FZD6: variants seen among roughly 807,000 people sequenced by gnomAD.
The protein encoded by FZD6 is frizzled class receptor 6, also known as frizzled-6.
In FZD6, 49 loss-of-function variants were observed where a neutral mutation model predicts 61.4. That is an observed-to-expected ratio of 0.80 (90% confidence interval 0.63 to 1.01). FZD6 has a LOEUF of 1.01. Ranked by LOEUF, FZD6 falls within the 50% of genes least tolerant of loss-of-function variation. The pLI is 0.00. For missense variants in FZD6, 724 were observed against 848.2 expected, an observed-to-expected ratio of 0.85 and a Z score of 1.82; for synonymous variants, 265 against 292.2, an observed-to-expected ratio of 0.91 and a Z score of 0.95.
Position 103,329,684 on chromosome 8 carries a change from A to G in FZD6, c.1571A>G (p.Gln524Arg), listed in dbSNP as rs1439202689. ...DPISESRRVL[Q>R]ESCEFFLKHN... ...ATCAGTGAAAGTCGAAGAGTACTAC[A>G]GGAATCATGTGAGTTTTTCTTAAAG... Residue 524 changes from glutamine (Q) to arginine (R), a missense_variant, in exon 6 of 7, where the codon CAG becomes CGG. Transcript: ENST00000358755. 3.7e-6 allele frequency: 6 copies of G among 1,611,650 alleles called. No individual in the cohort carries two copies. Among genetic ancestry groups the G allele is most frequent in the African/African-American group, 1.3e-5 (1 of 75,004 alleles).
intron 2 of FZD6, among the ~76,000 whole-genome samples, chr8:103,310,672 G>A (rs887308532): frequency 2.0e-5 from 3 of 152,108 alleles, no homozygotes; most frequent in Non-Finnish European, 4.4e-5. Context: ...CCTACAATCT[G>A]ATAACTCATG....
intron 2 of FZD6, among the ~76,000 whole-genome samples, chr8:103,310,616 A>G (rs1814469020): frequency 6.6e-6 from 1 of 152,040 alleles, no homozygotes; most frequent in South Asian, 2.1e-4. Context: ...CCAGTTTGTT[A>G]TTCTCTTCCT....
At chr8:103,320,067 G>A (rs145621787) in intron 3 of FZD6, among the ~76,000 whole-genome samples, 2 of 151,136 alleles carry the variant, frequency 1.3e-5, no homozygotes, top group East Asian at 2.0e-4. Context: ...AGGAACATCT[G>A]TTGTAACAGT....
chr8:103,314,905 C>T (rs1409703026), intron 2 of FZD6, among the ~76,000 whole-genome samples: 2 of 152,128 alleles, frequency 1.3e-5, no homozygotes, highest in Non-Finnish European at 2.9e-5. Flanking sequence ...ATACAGTGCT[C>T]AGCAATGCAT....
Position 103,325,497 on chromosome 8 carries a change from A to C in FZD6, c.1391A>C (p.Gln464Pro). Residue 464 changes from glutamine (Q) to proline (P), a missense_variant and splice_region_variant, in exon 4 of 7, where the codon CAG becomes CCG. Coordinates refer to ENST00000358755, the MANE Select transcript of FZD6 (RefSeq NM_003506.4). ...CAGTACCATATCCCATGTCCTTATC[A>C]GGTAAAAGCTATCACTTGGATTATG... ...CRQYHIPCPY[Q>P]AKAKARPELA... 1.2e-6 allele frequency: 2 copies of C among 1,602,544 alleles called. No homozygotes were observed. The highest frequency in any genetic ancestry group is 1.7e-6 in the Non-Finnish European group (2 of 1,169,562).
chr8:103,327,940 A>C (rs892814228), intron 4 of FZD6, among the ~76,000 whole-genome samples: 10 of 152,292 alleles, frequency 6.6e-5, no homozygotes, highest in Non-Finnish European at 1.3e-4. Context: ...ATAGGTACAT[A>C]TTTAGAGGCA....
At chr8:103,313,233 G>T (rs910115239) in intron 2 of FZD6, among the ~76,000 whole-genome samples, 2 of 152,188 alleles carry the variant, frequency 1.3e-5, no homozygotes, top group African/African-American at 4.8e-5. Flanking sequence ...CTGGTTTATG[G>T]TAAGTACCAA....
chr8:103,329,592 T>C (rs1446411925), intron 5 of FZD6, 63 bp from the exon 6 acceptor site: 7 of 1,237,796 alleles, frequency 5.7e-6, no homozygotes, highest in South Asian at 5.1e-5. Context: ...ATATCCTTTA[T>C]ATCCTCTACT....
rs55730772 is a variant in FZD6, at chr8:103,329,013, TTATA to T, written c.1541+613_1541+616del. Among the ~76,000 whole-genome samples the T allele has an allele frequency of 1.9e-4, 22 of 115,178 alleles. 1 individual carries two copies. Among genetic ancestry groups the T allele is most frequent in the Admixed American group, 5.1e-4 (5 of 9,854 alleles). 75.6% of individuals were successfully genotyped at this position (115,178 alleles called of 152,430 possible). A position where few individuals can be genotyped will look rare whatever the true frequency, so the allele number is the denominator to read the frequency against. On this transcript the variant is annotated intron_variant, in intron 5 of 6. Coordinates refer to ENST00000358755, the MANE Select transcript of FZD6 (RefSeq NM_003506.4). ...TATTTATGAGTAATTCATTTTAGTT[TTATA>T]TATATATATATATATGCACACACAC...
intron 2 of FZD6, among the ~76,000 whole-genome samples, chr8:103,307,453 A>T (rs1401807906): frequency 6.6e-6 from 1 of 152,192 alleles, no homozygotes; most frequent in Non-Finnish European, 1.5e-5. Flanking sequence ...GCACAAACAG[A>T]CCTATATGCC....
At chr8:103,313,811 G>A (rs1242616344) in intron 2 of FZD6, among the ~76,000 whole-genome samples, 1 of 146,456 alleles carries the variant, frequency 6.8e-6, no homozygotes, top group Non-Finnish European at 1.5e-5. Context: ...TGTCAGGGAA[G>A]GGGGGGGCCC....
At chr8:103,311,151 T>C (rs1490385974) in intron 2 of FZD6, among the ~76,000 whole-genome samples, 1 of 152,178 alleles carries the variant, frequency 6.6e-6, no homozygotes, top group South Asian at 2.1e-4. Flanking sequence ...TTGTCACCAG[T>C]GCCAATACCA....
chr8:103,316,737 C>T (rs1350190956), intron 2 of FZD6, among the ~76,000 whole-genome samples: 1 of 152,100 alleles, frequency 6.6e-6, no homozygotes, highest in Non-Finnish European at 1.5e-5. Flanking sequence ...AATTTAGTTA[C>T]ATGTATTCTG....
chr8:103,323,517 G>A (rs1471622863), intron 3 of FZD6, among the ~76,000 whole-genome samples: 7 of 150,420 alleles, frequency 4.7e-5, no homozygotes, highest in Non-Finnish European at 7.4e-5. Flanking sequence ...TGCAACCTCC[G>A]CCTCCCAGGT....
chr8:103,313,760 CTGTGTGTGTGTGTGTGTGTGTGTGTGTG>C (rs58157848), intron 2 of FZD6, among the ~76,000 whole-genome samples: 4 of 142,734 alleles, frequency 2.8e-5, no homozygotes, highest in Admixed American at 1.4e-4. Context: ...CTTGATTTTT[CTGTGTGTGTGTGTGTGTGTGTGTGTGTG>C]TGTGTGTGTG....
intron 4 of FZD6, among the ~76,000 whole-genome samples, chr8:103,327,536 T>C (rs972869461): frequency 3.9e-5 from 6 of 151,996 alleles, no homozygotes; most frequent in East Asian, 1.9e-4. Flanking sequence ...GCGGAGGTTG[T>C]AGTGAGCTGA....
chr8:103,308,784 A>G (rs940891100), intron 2 of FZD6, among the ~76,000 whole-genome samples: 5 of 152,220 alleles, frequency 3.3e-5, no homozygotes, highest in Admixed American at 6.5e-5. Flanking sequence ...GTAACACTCA[A>G]TTCATGAGAG....
chr8:103,320,013 G>C (rs760881171), intron 3 of FZD6, among the ~76,000 whole-genome samples: 8 of 152,162 alleles, frequency 5.3e-5, no homozygotes, highest in Non-Finnish European at 1.0e-4. Flanking sequence ...TTCTAAGAAG[G>C]AGATAGGATC....
intron 2 of FZD6, among the ~76,000 whole-genome samples, chr8:103,316,024 A>G (rs1282533012): frequency 9.2e-5 from 14 of 152,096 alleles, no homozygotes; most frequent in Non-Finnish European, 2.1e-4. Flanking sequence ...TTGATAATTC[A>G]TTTCTCTTAC....
Sources: gnomAD v4.1 joint callset for allele counts (sites outside exome capture counted in the v4.1 genomes callset) on GRCh38, gnomAD v4.1.1 for gene constraint, MANE v1.5 for transcripts, NCBI Gene and HGNC (gene_info 2026-07-23, HGNC 2026-07-21) for gene names.